Variants in NHSL1 observed in about 807,000 individuals in gnomAD.
The protein encoded by NHSL1 is NHS like 1, also known as NHS-like protein 1.
Under a neutral mutation model 95.0 loss-of-function variants are expected in NHSL1, and 48 were observed. The observed-to-expected ratio is 0.51, with a 90% confidence interval of 0.40 to 0.64. NHSL1 has a LOEUF of 0.64. NHSL1 is among the 30% of genes least tolerant of loss of function. The probability of loss-of-function intolerance (pLI) is 0.00; values close to 1 mark genes in which losing one functional copy is unlikely to be tolerated. For synonymous variants in NHSL1, 783 were observed against 833.9 expected (o/e 0.94, Z 1.05); for missense variants, 1,971 against 2,077.7 (o/e 0.95, Z 1.00).
In NHSL1 at chr6:138,431,628, G is replaced by T. The variant is rs1479078034; in HGVS notation, c.2717C>A (p.Ser906Tyr). The change falls in exon 6 of 8, where the codon TCT becomes TAT. Residue 906 changes from serine (S) to tyrosine (Y), a missense_variant. This residue lies in a region of NHSL1 where 1,602 missense variants were observed against 1,654.5 expected (regional missense o/e 0.97). Transcript: ENST00000343505. The surrounding 1 kb of genome is among the most constrained non-coding windows in gnomAD (Gnocchi z 4.0). ...VSISSSSTSL[S>Y]SSTSTEGSGT... ...ACTTCCTTCAGTAGAAGTACTAGAA[G>T]AAAGAGAAGTGGACGATGAGGAAAT... 2.6e-6 allele frequency: 4 copies of T among 1,551,648 alleles called. No individual in the cohort carries two copies. The highest frequency in any genetic ancestry group is 3.5e-6 in the Non-Finnish European group (4 of 1,146,924).
chr6:138,492,411 C>G (rs1419216630), intron 2 of NHSL1, among the ~76,000 whole-genome samples: 2 of 152,210 alleles, frequency 1.3e-5, no homozygotes, highest in Non-Finnish European at 2.9e-5. Flanking sequence ...AAGCTGCTGC[C>G]AAGACAGCAG....
chr6:138,592,647 A>C (rs540805121), intron 1 of NHSL1, among the ~76,000 whole-genome samples: 5 of 152,152 alleles, frequency 3.3e-5, no homozygotes, highest in East Asian at 1.9e-4. Context: ...AACAAAAAAA[A>C]CCCCTACATA....
intron 1 of NHSL1, among the ~76,000 whole-genome samples, chr6:138,669,817 G>A (rs891005415): frequency 4.6e-5 from 7 of 152,150 alleles, no homozygotes; most frequent in African/African-American, 1.2e-4. Flanking sequence ...AGCCTAAGAT[G>A]ACCTAAATAA....
intron 1 of NHSL1, among the ~76,000 whole-genome samples, chr6:138,511,016 A>T (rs1781196861): frequency 6.6e-6 from 1 of 152,188 alleles, no homozygotes; most frequent in East Asian, 1.9e-4. Flanking sequence ...TTGATTGCAG[A>T]TCCCACATAA....
At chr6:138,614,784 C>A (rs1784557024) in intron 1 of NHSL1, among the ~76,000 whole-genome samples, 1 of 152,106 alleles carries the variant, frequency 6.6e-6, no homozygotes, top group South Asian at 2.1e-4. Flanking sequence ...GGATCAGCGG[C>A]GGCATCAGAT....
chr6:138,532,693 A>G lies in NHSL1; in HGVS notation c.16+12930T>C, dbSNP rs569182477. 2.0e-5 allele frequency among the ~76,000 whole-genome samples: 3 copies of G among 152,310 alleles called. No homozygotes were observed. The South Asian group carries it at 6.2e-4, about 32-fold the overall frequency. ...TGGCAACAAATGGCTCAGAGTAGTT[A>G]GGTGGCTTATTCTGAGTCAATAAAT... On this transcript the variant is annotated intron_variant, in intron 1 of 4. Coordinates refer to the NHSL1 transcript ENST00000342260.
intron 3 of NHSL1, among the ~76,000 whole-genome samples, chr6:138,472,884 T>C (rs1012329792): frequency 3.3e-5 from 5 of 152,220 alleles, no homozygotes; most frequent in African/African-American, 1.2e-4. Context: ...TCTGCTATTA[T>C]GATCAGAGTT....
chr6:138,534,814 G>A (rs1459370019), intron 1 of NHSL1, among the ~76,000 whole-genome samples: 1 of 152,154 alleles, frequency 6.6e-6, no homozygotes, highest in African/African-American at 2.4e-5. Flanking sequence ...AGATGGAGGG[G>A]TCTCATTAAA....
At chr6:138,452,335 GC>G (rs746475040) in intron 3 of NHSL1, among the ~76,000 whole-genome samples, 1 of 152,190 alleles carries the variant, frequency 6.6e-6, no homozygotes, top group Non-Finnish European at 1.5e-5. Context: ...ACAGTGTGGG[GC>G]CTGAAATAGG....
intron 3 of NHSL1, among the ~76,000 whole-genome samples, chr6:138,471,706 T>C (rs1778760936): frequency 6.6e-6 from 1 of 152,080 alleles, no homozygotes; most frequent in South Asian, 2.1e-4. Flanking sequence ...CAATCTCTAA[T>C]AATAAATTGT....
chr6:138,653,261 A>G (rs1785114813), intron 1 of NHSL1, among the ~76,000 whole-genome samples: 1 of 152,204 alleles, frequency 6.6e-6, no homozygotes, highest in South Asian at 2.1e-4. Flanking sequence ...TCCTCTTAAA[A>G]AGCCTTAGTC....
exon 1 of NHSL1, chr6:138,571,848 C>A (rs1220182474): frequency 6.4e-7 from 1 of 1,551,750 alleles, no homozygotes; most frequent in Non-Finnish European, 8.7e-7. Flanking sequence ...CAACTTACAG[C>A]ACGTGAGAGA....
chr6:138,576,806 A>T (rs1315295952), upstream of NHSL1, among the ~76,000 whole-genome samples: 1 of 152,188 alleles, frequency 6.6e-6, no homozygotes, highest in Non-Finnish European at 1.5e-5. Flanking sequence ...TCTTTACACC[A>T]TGTTTATGAT....
At chr6:138,587,647 G>A (rs979766936) in intron 1 of NHSL1, among the ~76,000 whole-genome samples, 20 of 152,084 alleles carry the variant, frequency 1.3e-4, no homozygotes, top group African/African-American at 4.8e-4. Flanking sequence ...GTGTTTCAAA[G>A]AATAATATTT....
chr6:138,487,137 G>T (rs1456831411), intron 2 of NHSL1, among the ~76,000 whole-genome samples: 3 of 152,192 alleles, frequency 2.0e-5, no homozygotes, highest in African/African-American at 7.2e-5. Flanking sequence ...AAAAAAATTG[G>T]GTGGAGGAGT....
chr6:138,491,327 G>A (rs1265543047), intron 2 of NHSL1, among the ~76,000 whole-genome samples: 1 of 152,100 alleles, frequency 6.6e-6, no homozygotes, highest in Non-Finnish European at 1.5e-5. Context: ...GGGCTTTTTG[G>A]GGATGGAGCC....
chr6:138,668,577 T>A (rs1226117596), intron 1 of NHSL1, among the ~76,000 whole-genome samples: 1 of 152,108 alleles, frequency 6.6e-6, no homozygotes, highest in East Asian at 1.9e-4. Flanking sequence ...GAAATAAACT[T>A]TTTTAAAAGG....
intron 2 of NHSL1, among the ~76,000 whole-genome samples, chr6:138,480,870 A>G (rs1192825339): frequency 6.6e-6 from 1 of 152,234 alleles, no homozygotes; most frequent in Non-Finnish European, 1.5e-5. Context: ...GCCTCTTGTT[A>G]TCATTACCTG....
intron 1 of NHSL1, among the ~76,000 whole-genome samples, chr6:138,666,376 G>T (rs1003561411): frequency 2.0e-5 from 3 of 152,114 alleles, no homozygotes; most frequent in African/African-American, 7.2e-5. Flanking sequence ...CAGATCATGA[G>T]GTCAAGAGAT....
Sources: gnomAD v4.1 joint callset for allele counts (sites outside exome capture counted in the v4.1 genomes callset) on GRCh38, gnomAD v4.1.1 for gene constraint, gnomAD v4.1.1 regional missense constraint, Gnocchi (gnomAD v3.1) non-coding constraint, MANE v1.5 for transcripts, NCBI Gene and HGNC (gene_info 2026-07-23, HGNC 2026-07-21) for gene names.